HIRA: variants seen among roughly 807,000 people sequenced by gnomAD.
The protein encoded by HIRA is protein HIRA.
A neutral mutation model predicts 126.6 loss-of-function variants in HIRA; 13 were observed. The observed-to-expected ratio is 0.10, with a 90% confidence interval of 0.07 to 0.16. HIRA has a LOEUF of 0.16. Ranked by LOEUF, HIRA falls within the 10% of genes least tolerant of loss-of-function variation. The pLI is 1.00. For missense variants in HIRA, 834 were observed against 1,314.4 expected, an observed-to-expected ratio of 0.63 and a Z score of 5.65; for synonymous variants, 511 against 520.0, an observed-to-expected ratio of 0.98 and a Z score of 0.24.
At chr22:19,345,719 T>C (rs1191452263) in intron 24 of HIRA, among the ~76,000 whole-genome samples, 1 of 152,072 alleles carries the variant, frequency 6.6e-6, no homozygotes, top group Non-Finnish European at 1.5e-5. Flanking sequence ...GGCCCAGAGG[T>C]TGGGGACCCC....
At chr22:19,423,262 A>G (rs761718400) in intron 1 of HIRA, among the ~76,000 whole-genome samples, 11 of 151,966 alleles carry the variant, frequency 7.2e-5, no homozygotes, top group Non-Finnish European at 1.5e-4. Flanking sequence ...TGTTTCTCCA[A>G]TTCACAGGAT....
At chr22:19,336,563 G>A (rs1343132748) in intron 24 of HIRA, among the ~76,000 whole-genome samples, 1 of 152,216 alleles carries the variant, frequency 6.6e-6, no homozygotes, top group African/African-American at 2.4e-5. Context: ...TGACTTCACT[G>A]GTAGCATAAC....
intron 1 of HIRA, among the ~76,000 whole-genome samples, chr22:19,429,598 T>A (rs969176805): frequency 5.3e-5 from 8 of 152,204 alleles, no homozygotes; most frequent in Admixed American, 4.6e-4. Context: ...CCCTCAGCAA[T>A]AAGGGCCACT....
At chr22:19,339,043 T>C (rs1483569173) in intron 24 of HIRA, among the ~76,000 whole-genome samples, 2 of 152,166 alleles carry the variant, frequency 1.3e-5, no homozygotes, top group East Asian at 3.8e-4. Flanking sequence ...AGAAAGACCA[T>C]ATGATAGGCC....
At chr22:19,341,396 C>G (rs2088626738) in intron 24 of HIRA, among the ~76,000 whole-genome samples, 1 of 148,658 alleles carries the variant, frequency 6.7e-6, no homozygotes, top group Admixed American at 6.8e-5. Flanking sequence ...TTGCCATGAG[C>G]CGAGATTGTG....
intron 20 of HIRA, 93 bp from the exon 21 acceptor site, chr22:19,355,958 C>T: frequency 1.1e-6 from 1 of 886,708 alleles, no homozygotes; most frequent in South Asian, 1.5e-5. Context: ...TAGGCTCCCA[C>T]AGTCCCAGCA....
chr22:19,392,250 C>G (rs1350502199), intron 8 of HIRA, 36 bp from the exon 9 acceptor site: 1 of 1,357,964 alleles, frequency 7.4e-7, no homozygotes, highest in Non-Finnish European at 1.0e-6. Flanking sequence ...AATAATTAAT[C>G]AAGCATCAGG....
intron 3 of HIRA, 33 bp downstream of exon 3, chr22:19,408,450 A>G: frequency 7.2e-7 from 1 of 1,390,946 alleles, no homozygotes; most frequent in Non-Finnish European, 1.0e-6. Flanking sequence ...CTCTGCCAAC[A>G]CGCAAAGCCT....
intron 24 of HIRA, among the ~76,000 whole-genome samples, chr22:19,345,804 C>A (rs2088680364): frequency 6.6e-6 from 1 of 152,178 alleles, no homozygotes. Flanking sequence ...GGAGCCAGAA[C>A]AAAGCCCAGG....
At position 19,407,183 on chromosome 22, in the gene HIRA, C is replaced by T; in HGVS notation, c.302+1G>A. On this transcript the variant is annotated splice_donor_variant, in intron 4 of 24. Transcript: ENST00000263208. LOFTEE classifies it high-confidence loss of function. The stretch of plus-strand genomic sequence containing the variant: ...TGTGAAGAAAGGAAAATGATGCTTA[C>T]GTAGCCCGCTTCCACACCATAATCA... 6.2e-7 allele frequency: 1 copy of T among 1,610,968 alleles called. No individual in the cohort carries two copies. Among genetic ancestry groups the T allele is most frequent in the Non-Finnish European group, 8.5e-7 (1 of 1,177,266 alleles).
At chr22:19,363,091 G>A (rs146060461) in intron 15 of HIRA, among the ~76,000 whole-genome samples, 26,710 of 150,990 alleles carry the variant, frequency 0.18, 2,489 homozygotes, top group East Asian at 0.31. Context: ...AAAATTAGCC[G>A]GGTGTGGTGG....
At chr22:19,375,883 G>T in intron 14 of HIRA, 91 bp from the exon 15 acceptor site, 1 of 1,337,802 alleles carries the variant, frequency 7.5e-7, no homozygotes, top group Non-Finnish European at 1.0e-6. Flanking sequence ...TACTAAAAAA[G>T]GCACAAATAT....
At chr22:19,360,231 C>G (rs556626992) in intron 17 of HIRA, among the ~76,000 whole-genome samples, 1 of 152,150 alleles carries the variant, frequency 6.6e-6, no homozygotes, top group South Asian at 2.1e-4. Flanking sequence ...CCAGAAATGA[C>G]AGTCCCAAGC....
At chr22:19,372,890 A>G (rs1440248948) in intron 15 of HIRA, among the ~76,000 whole-genome samples, 1 of 152,004 alleles carries the variant, frequency 6.6e-6, no homozygotes, top group Non-Finnish European at 1.5e-5. Flanking sequence ...AATTTTTAAC[A>G]TGGTTTTGTA....
At chr22:19,367,174 T>A (rs1223038371) in intron 15 of HIRA, among the ~76,000 whole-genome samples, 1 of 152,190 alleles carries the variant, frequency 6.6e-6, no homozygotes, top group Non-Finnish European at 1.5e-5. Flanking sequence ...CATACTTTAA[T>A]ACAACTGTAT....
intron 5 of HIRA, among the ~76,000 whole-genome samples, chr22:19,403,320 T>A (rs2089284133): frequency 6.6e-6 from 1 of 152,126 alleles, no homozygotes; most frequent in African/African-American, 2.4e-5. Flanking sequence ...AATAAATTAC[T>A]ATTTTCTGGC....
At chr22:19,350,062 A>C (rs1164271371) in intron 24 of HIRA, among the ~76,000 whole-genome samples, 2 of 150,504 alleles carry the variant, frequency 1.3e-5, no homozygotes, top group Non-Finnish European at 2.9e-5. Context: ...ATCTTGGCTC[A>C]CTGAAAGCTT....
At chr22:19,384,819 AT>A (rs74705169) in intron 12 of HIRA, among the ~76,000 whole-genome samples, 4,901 of 140,538 alleles carry the variant, frequency 0.035, 176 homozygotes, top group East Asian at 0.13. Context: ...ATACCCGGCT[AT>A]TTTTTTTTTT....
At chr22:19,347,272 G>T (rs1419231120) in intron 24 of HIRA, among the ~76,000 whole-genome samples, 2 of 152,166 alleles carry the variant, frequency 1.3e-5, no homozygotes, top group African/African-American at 2.4e-5. Context: ...ACTACAACCT[G>T]ATAACCAAGG....
Sources: gnomAD v4.1 joint callset for allele counts (sites outside exome capture counted in the v4.1 genomes callset) on GRCh38, gnomAD v4.1.1 for gene constraint, MANE v1.5 for transcripts, NCBI Gene and HGNC (gene_info 2026-07-23, HGNC 2026-07-21) for gene names.